Variants in ETV6 observed in about 807,000 individuals in gnomAD.
ETV6 encodes ETS variant transcription factor 6.
Under a neutral mutation model 51.1 loss-of-function variants are expected in ETV6, and 16 were observed. That is an observed-to-expected ratio of 0.31 (90% CI 0.21 to 0.48). ETV6 has a LOEUF of 0.48. ETV6 is among the 20% of genes least tolerant of loss of function. ETV6 has a pLI of 0.99. For missense variants in ETV6, 458 were observed against 594.8 expected, an observed-to-expected ratio of 0.77 and a Z score of 2.39; for synonymous variants, 240 against 224.1, an observed-to-expected ratio of 1.07 and a Z score of -0.64.
chr12:11,849,707 C>T (rs1335387813), intron 3 of ETV6, among the ~76,000 whole-genome samples: 1 of 152,178 alleles, frequency 6.6e-6, no homozygotes, highest in Non-Finnish European at 1.5e-5. Flanking sequence ...TTGCTTGCGC[C>T]GTGACTGGCT....
intron 1 of ETV6, among the ~76,000 whole-genome samples, chr12:11,749,707 T>C (rs1865985761): frequency 6.6e-6 from 1 of 152,154 alleles, no homozygotes; most frequent in Non-Finnish European, 1.5e-5. Flanking sequence ...AAAAGGAGTC[T>C]CTGTAGTGTG....
intron 3 of ETV6, among the ~76,000 whole-genome samples, chr12:11,850,037 A>AC (rs992906293): frequency 1.3e-5 from 2 of 152,164 alleles, no homozygotes; most frequent in African/African-American, 4.8e-5. Flanking sequence ...GGGTCTTAGA[A>AC]CTAAGTTTTT....
chr12:11,745,610 G>A (rs899406681), intron 1 of ETV6, among the ~76,000 whole-genome samples: 1 of 152,108 alleles, frequency 6.6e-6, no homozygotes, highest in Non-Finnish European at 1.5e-5. Flanking sequence ...TTGGACTGCG[G>A]CCACTGTGAT....
At chr12:11,693,265 G>A (rs1466113256) in intron 1 of ETV6, among the ~76,000 whole-genome samples, 1 of 152,132 alleles carries the variant, frequency 6.6e-6, no homozygotes, top group Non-Finnish European at 1.5e-5. Context: ...CGTGGCAAGT[G>A]GTTGGCTTTG....
intron 1 of ETV6, among the ~76,000 whole-genome samples, chr12:11,659,988 A>G (rs1340444439): frequency 6.6e-6 from 1 of 152,234 alleles, no homozygotes; most frequent in Non-Finnish European, 1.5e-5. Flanking sequence ...AATGTGTTAT[A>G]GTATTCATTA....
chr12:11,786,935 A>G (rs1780645705), intron 2 of ETV6, among the ~76,000 whole-genome samples: 1 of 152,178 alleles, frequency 6.6e-6, no homozygotes, highest in African/African-American at 2.4e-5. Flanking sequence ...GTGCCTGCAT[A>G]ATTGATACTG....
chr12:11,878,272 A>G (rs1056682128), intron 5 of ETV6, among the ~76,000 whole-genome samples: 7 of 152,344 alleles, frequency 4.6e-5, no homozygotes, highest in East Asian at 3.9e-4. Context: ...TTTCAGGACA[A>G]TGTTTTTAAA....
intron 1 of ETV6, among the ~76,000 whole-genome samples, chr12:11,693,724 G>A (rs1034757432): frequency 2.0e-5 from 3 of 152,290 alleles, no homozygotes; most frequent in African/African-American, 7.2e-5. Context: ...TGCTTTCCCT[G>A]CACTATCTCT....
intron 3 of ETV6, among the ~76,000 whole-genome samples, chr12:11,847,130 C>T (rs886649835): frequency 3.9e-5 from 6 of 152,082 alleles, no homozygotes; most frequent in Non-Finnish European, 5.9e-5. Context: ...CACTGAGAGA[C>T]GAGGTGGTTC....
Position 11,894,464 on chromosome 12 carries a change from C to T in ETV6, c.*3418C>T. On this transcript the variant is annotated 3_prime_UTR_variant, in exon 8 of 8. Coordinates refer to ENST00000396373, the MANE Select transcript of ETV6 (RefSeq NM_001987.5). ...TTGGTTTTGCTTAAGGTGGCATCAC[C>T]AATGTTCCAAATCCTTTAGGGAGAT... 1 of 233,200 alleles carries T rather than the reference C, an allele frequency of 4.3e-6. No homozygotes were observed. Among genetic ancestry groups the T allele is most frequent in the Non-Finnish European group, 8.5e-6 (1 of 118,022 alleles). The allele number at this position is 233,200 out of a possible 1,614,324, so 14.4% of individuals were successfully genotyped here.
At chr12:11,823,872 C>G (rs1565539953) in intron 2 of ETV6, among the ~76,000 whole-genome samples, 3 of 152,208 alleles carry the variant, frequency 2.0e-5, no homozygotes, top group African/African-American at 7.2e-5. Context: ...CTTTGAGGCT[C>G]TCAGCCATTT....
chr12:11,759,730 A>G (rs755475626), intron 2 of ETV6, among the ~76,000 whole-genome samples: 3 of 151,920 alleles, frequency 2.0e-5, no homozygotes, highest in South Asian at 2.1e-4. Flanking sequence ...CCTTACATGT[A>G]TCTACCTAAT....
chr12:11,840,364 C>T (rs1337681208), intron 3 of ETV6: 2 of 453,616 alleles, frequency 4.4e-6, no homozygotes, highest in African/African-American at 4.0e-5. Flanking sequence ...CTGGGAACTA[C>T]ATATGTCAAA....
At chr12:11,878,627 T>G (rs1591744237) in intron 5 of ETV6, among the ~76,000 whole-genome samples, 2 of 152,090 alleles carry the variant, frequency 1.3e-5, no homozygotes, top group East Asian at 1.9e-4. Flanking sequence ...AGCGTAGATT[T>G]TTGTATTATT....
At chr12:11,749,379 A>C (rs1865978657) in intron 1 of ETV6, among the ~76,000 whole-genome samples, 1 of 150,788 alleles carries the variant, frequency 6.6e-6, no homozygotes, top group African/African-American at 2.4e-5. Context: ...TAAAAGAAAG[A>C]AAGCAGCTCT....
rs1386181781 is a variant in ETV6 at position 11,886,005 on chromosome 12, C to T, written c.1232C>T (p.Pro411Leu). 2 of 1,613,354 alleles carry T rather than the reference C, an allele frequency of 1.2e-6. No individual in the cohort carries two copies. Among genetic ancestry groups the T allele is most frequent in the Non-Finnish European group, 1.7e-6 (2 of 1,179,354 alleles). Reference sequence around the variant, plus strand: ...AAACTAAACATTATCAGGAAGGAGCCAGGACAAAGGCTTTTGTTCAGGTAG... The same window carrying T: ...AAACTAAACATTATCAGGAAGGAGCTAGGACAAAGGCTTTTGTTCAGGTAG... ...YYKLNIIRKEPGQRLLFRFMK... is the reference protein window; with the variant it reads ...YYKLNIIRKELGQRLLFRFMK... Residue 411 changes from proline to leucine, a missense_variant, in exon 7 of 8, where the codon CCA (proline) becomes CTA (leucine). Around this residue, in one of 4 missense-constraint regions of ETV6, gnomAD observed 55 missense variants for 151.2 expected, o/e 0.36. Coordinates refer to ENST00000396373, the MANE Select transcript of ETV6 (RefSeq NM_001987.5).
At chr12:11,889,998 T>C (rs1285527132) in intron 7 of ETV6, among the ~76,000 whole-genome samples, 1 of 152,142 alleles carries the variant, frequency 6.6e-6, no homozygotes, top group Admixed American at 6.5e-5. Flanking sequence ...GTCACTGATG[T>C]CACTTCCAGT....
intron 2 of ETV6, among the ~76,000 whole-genome samples, chr12:11,797,044 C>T (rs754524625): frequency 4.1e-4 from 62 of 152,112 alleles, no homozygotes; most frequent in African/African-American, 1.3e-3. Flanking sequence ...ATCTCCTTGT[C>T]GAGAGGCATT....
At chr12:11,659,030 T>C (rs1864051596) in intron 1 of ETV6, among the ~76,000 whole-genome samples, 1 of 152,228 alleles carries the variant, frequency 6.6e-6, no homozygotes, top group South Asian at 2.1e-4. Context: ...CTGCTTTTGT[T>C]TAACAGGCAG....
Sources: allele counts gnomAD v4.1 joint callset (sites outside exome capture counted in the v4.1 genomes callset), GRCh38; gene constraint gnomAD v4.1.1; regional missense constraint gnomAD v4.1.1; transcripts MANE v1.5; gene names NCBI Gene and HGNC (gene_info 2026-07-23, HGNC 2026-07-21).